Variants in FARP1 observed in about 807,000 individuals in gnomAD.
FARP1 encodes FERM, ARH/RhoGEF and pleckstrin domain protein 1.
Under a neutral mutation model 128.8 loss-of-function variants are expected in FARP1, and 52 were observed. The ratio of observed to expected loss-of-function variants is 0.40; its 90% CI spans 0.32 to 0.51. The LOEUF is 0.51. Ranked by LOEUF, FARP1 falls within the 20% of genes least tolerant of loss-of-function variation. The probability of loss-of-function intolerance (pLI) is 0.45; values close to 1 mark genes in which losing one functional copy is unlikely to be tolerated. For synonymous variants in FARP1, 580 were observed against 551.8 expected, an observed-to-expected ratio of 1.05 and a Z score of -0.72; for missense variants, 1,333 against 1,367.9, an observed-to-expected ratio of 0.97 and a Z score of 0.40.
At chr13:98,212,114 G>A (rs1186323621) in intron 1 of FARP1, among the ~76,000 whole-genome samples, 1 of 152,228 alleles carries the variant, frequency 6.6e-6, no homozygotes, top group Non-Finnish European at 1.5e-5. Context: ...GGAGTGCAGT[G>A]GTGCAATGTT....
chr13:98,452,900 A>C lies in FARP1; in HGVS notation c.*4583A>C. The C allele has an allele frequency of 3.3e-5, 11 of 334,846 alleles. No individual in the cohort carries two copies. The highest frequency in any genetic ancestry group is 4.8e-5 in the Non-Finnish European group (9 of 185,788). 20.7% of individuals were successfully genotyped at this position (334,846 alleles called of 1,614,324 possible). A position where few individuals can be genotyped will look rare whatever the true frequency, so the allele number is the denominator to read the frequency against. On this transcript the variant is annotated 3_prime_UTR_variant, in exon 27 of 27. Coordinates refer to ENST00000319562, the MANE Select transcript of FARP1 (RefSeq NM_005766.4). ...GTTTTTAAAGACACTTTCCTGGAAT[A>C]TGTGCACTATGGTTAAAATTAAAAA... is the stretch of plus-strand genomic sequence containing the variant.
At chr13:98,292,818 G>T (rs1885510572) in intron 2 of FARP1, among the ~76,000 whole-genome samples, 2 of 152,138 alleles carry the variant, frequency 1.3e-5, no homozygotes, top group Admixed American at 6.5e-5. Flanking sequence ...TGTAGGATGG[G>T]AAGCTCAAGT....
At chr13:98,257,341 C>T (rs1291856784) in intron 2 of FARP1, among the ~76,000 whole-genome samples, 1 of 152,118 alleles carries the variant, frequency 6.6e-6, no homozygotes, top group African/African-American at 2.4e-5. Flanking sequence ...ATTTGCTAAT[C>T]TTTCTCACTG....
At chr13:98,302,972 C>G (rs1885985148) in intron 2 of FARP1, among the ~76,000 whole-genome samples, 2 of 152,086 alleles carry the variant, frequency 1.3e-5, no homozygotes, top group South Asian at 2.1e-4. Flanking sequence ...GAGGTGGCCA[C>G]TTGGTCCTGG....
chr13:98,337,798 C>G (rs901909277), intron 2 of FARP1, among the ~76,000 whole-genome samples: 1 of 152,046 alleles, frequency 6.6e-6, no homozygotes, highest in African/African-American at 2.4e-5. Context: ...AGTGCAAAGC[C>G]TGCCCCAAAT....
chr13:98,324,931 G>A (rs1465097845), intron 2 of FARP1, among the ~76,000 whole-genome samples: 1 of 152,202 alleles, frequency 6.6e-6, no homozygotes, highest in African/African-American at 2.4e-5. Context: ...TTTATGGTGG[G>A]CATTGAGGGA....
intron 1 of FARP1, among the ~76,000 whole-genome samples, chr13:98,150,386 G>A (rs1255218737): frequency 1.3e-5 from 2 of 152,080 alleles, no homozygotes; most frequent in East Asian, 3.9e-4. Context: ...CTTTATTTAG[G>A]ATACTTGATA....
chr13:98,183,977 A>G (rs975475045), intron 1 of FARP1, among the ~76,000 whole-genome samples: 1 of 151,916 alleles, frequency 6.6e-6, no homozygotes, highest in African/African-American at 2.4e-5. Context: ...TTCCTTGTTA[A>G]TCCAGGCCAG....
chr13:98,446,484 C>G (rs56857116), intron 25 of FARP1, 182 bp from the exon 26 acceptor site: 3 of 642,390 alleles, frequency 4.7e-6, no homozygotes, highest in Non-Finnish European at 5.4e-6. Context: ...TCAGTCCTGG[C>G]GGGACTTGCC....
At chr13:98,282,630 C>T (rs1033674129) in intron 2 of FARP1, among the ~76,000 whole-genome samples, 10 of 152,184 alleles carry the variant, frequency 6.6e-5, no homozygotes, top group African/African-American at 2.2e-4. Flanking sequence ...CTGGGCCAGG[C>T]GCCGTGGCTC....
chr13:98,224,920 C>T (rs1881670466), intron 2 of FARP1, among the ~76,000 whole-genome samples: 1 of 152,170 alleles, frequency 6.6e-6, no homozygotes, highest in Admixed American at 6.5e-5. Flanking sequence ...TCCTTTTTAC[C>T]TCCCGACTGA....
intron 13 of FARP1, chr13:98,405,394 A>G (rs4772075): frequency 0.43 from 65,923 of 152,132 alleles, 14,793 homozygotes; most frequent in Non-Finnish European, 0.48. Flanking sequence ...GAATGTGTAC[A>G]TTTGAAAGGA....
chr13:98,428,918 G>A (rs574325412), intron 17 of FARP1, among the ~76,000 whole-genome samples: 3 of 151,906 alleles, frequency 2.0e-5, no homozygotes, highest in South Asian at 2.1e-4. Context: ...ACACATGCAC[G>A]CACATGCACG....
At chr13:98,324,382 C>A (rs1265564420) in intron 2 of FARP1, among the ~76,000 whole-genome samples, 1 of 152,106 alleles carries the variant, frequency 6.6e-6, no homozygotes, top group Non-Finnish European at 1.5e-5. Context: ...TGTGTAAGAT[C>A]TATTTTGTAT....
At chr13:98,413,766 A>G (rs986153986) in intron 16 of FARP1, among the ~76,000 whole-genome samples, 30 of 152,228 alleles carry the variant, frequency 2.0e-4, no homozygotes, top group Non-Finnish European at 4.3e-4. Flanking sequence ...ACAAAGTTGA[A>G]TGATGCTCTC....
At chr13:98,443,696 T>C (rs1005561964) in intron 24 of FARP1, among the ~76,000 whole-genome samples, 1 of 152,132 alleles carries the variant, frequency 6.6e-6, no homozygotes, top group Non-Finnish European at 1.5e-5. Context: ...TGGGGTCAGA[T>C]GTTGGGATGG....
chr13:98,346,293 A>G (rs1316519372), intron 3 of FARP1, among the ~76,000 whole-genome samples: 3 of 149,310 alleles, frequency 2.0e-5, no homozygotes, highest in Admixed American at 6.7e-5. Context: ...GGGTTCAAGC[A>G]ATTCTCCTGC....
At position 98,453,937 on chromosome 13, in the gene FARP1, C is replaced by CT; in HGVS notation, c.*5622dup. 6.6e-6 allele frequency: 1 copy of CT among 152,300 alleles called. No individual in the cohort carries two copies. Among genetic ancestry groups the CT allele is most frequent in the Middle Eastern group, 3.4e-3 (1 of 294 alleles). 9.4% of individuals were successfully genotyped at this position (152,300 alleles called of 1,614,324 possible). On this transcript the variant is annotated 3_prime_UTR_variant, in exon 27 of 27. Transcript: ENST00000319562. ...TGGATCTGGGAATATCCGCATTATA[C>CT]TTACCAGTGTGCAGCCCCAAATCCG...
intron 2 of FARP1, among the ~76,000 whole-genome samples, chr13:98,294,540 T>C (rs577479923): frequency 1.3e-5 from 2 of 152,338 alleles, no homozygotes; most frequent in South Asian, 4.1e-4. Flanking sequence ...TGCTTATTAC[T>C]TTTCGGCACA....
Sources: allele counts gnomAD v4.1 joint callset (sites outside exome capture counted in the v4.1 genomes callset), GRCh38; gene constraint gnomAD v4.1.1; transcripts MANE v1.5; gene names NCBI Gene and HGNC (gene_info 2026-07-23, HGNC 2026-07-21).